KRT73: variants seen among roughly 807,000 people sequenced by gnomAD.
The protein encoded by KRT73 is keratin, type II cytoskeletal 73.
In KRT73, 44 loss-of-function variants were observed where a neutral mutation model predicts 47.2. The observed-to-expected ratio is 0.93, with a 90% CI of 0.73 to 1.20. The LOEUF (loss-of-function observed/expected upper bound fraction) is 1.20, where lower values mean the gene tolerates loss of function less well. KRT73 is among the 50% of genes most tolerant of loss of function. KRT73 has a pLI of 0.00. For missense variants in KRT73, 713 were observed against 704.5 expected (o/e 1.01, Z -0.14); for synonymous variants, 285 against 291.3 (o/e 0.98, Z 0.22).
rs1182375518 is a variant in KRT73, at chr12:52,613,791, T to C, written c.881A>G (p.Asn294Ser). The C allele has an allele frequency of 3.1e-6, 5 of 1,613,908 alleles. No individual in the cohort carries two copies. The highest frequency in any genetic ancestry group is 1.1e-5 in the South Asian group (1 of 91,060). ...DTSIILSMDN[N>S]RNLDLDSIIA... ...GATGCTGTCCAGGTCCAGGTTCCGG[T>C]TGTTGTCCATGGACAGGATGATGGA... is the stretch of plus-strand genomic sequence containing the variant. Residue 294 changes from asparagine to serine, a missense_variant, in exon 5 of 9, where the codon AAC becomes AGC. Transcript: ENST00000305748.
the KRT73 span, among the ~76,000 whole-genome samples, chr12:52,624,890 G>T: frequency 6.6e-6 from 1 of 151,714 alleles, no homozygotes; most frequent in Non-Finnish European, 1.5e-5. Flanking sequence ...GTGGAAGAAA[G>T]TTAGCCTTTT....
At position 52,618,234 on chromosome 12, in the gene KRT73, C is replaced by G; in HGVS notation, c.291G>C (p.Ser97=). The G allele has an allele frequency of 1.2e-6, 2 of 1,614,164 alleles. No individual in the cohort carries two copies. The highest frequency in any genetic ancestry group is 1.7e-6 in the Non-Finnish European group (2 of 1,180,030). Residue 97 remains serine (S), a synonymous_variant, in exon 1 of 9, where the codon TCG becomes TCC. Transcript: ENST00000305748. ...GSVALGSVCP[S]LCPPGGIHQV... ...GATGGATACCCCCGGGCGGGCACAA[C>G]GACGGACACACGGACCCCAAGGCCA... is the stretch of plus-strand genomic sequence containing the variant.
Position 52,618,417 on chromosome 12 carries a change from G to A in KRT73, c.108C>T (p.Gly36=), listed in dbSNP as rs1305344132. ...GGSSSSYRAG[G]KGLSGGFSSR... ...TGCTGAAGCCTCCACTGAGCCCTTT[G>A]CCCCCTGCTCGGTAGGAGGATGAGC... The change falls in exon 1 of 9, where the codon GGC becomes GGT. Residue 36 remains glycine, a synonymous_variant. Coordinates refer to ENST00000305748, the MANE Select transcript of KRT73 (RefSeq NM_175068.3). 6.2e-7 allele frequency: 1 copy of A among 1,614,152 alleles called. No individual in the cohort carries two copies. The highest frequency in any genetic ancestry group is 1.7e-5 in the Admixed American group (1 of 60,034).
chr12:52,611,044 C>G, intron 6 of KRT73, 160 bp downstream of exon 6: 1 of 1,044,998 alleles, frequency 9.6e-7, no homozygotes, highest in Non-Finnish European at 1.4e-6. Flanking sequence ...TGCAATTGTT[C>G]CAAACTTCAG....
the KRT73 span, among the ~76,000 whole-genome samples, chr12:52,629,858 C>A: frequency 6.6e-6 from 1 of 152,162 alleles, no homozygotes; most frequent in Admixed American, 6.5e-5. Flanking sequence ...TCAATCTGTT[C>A]CCCTTGCTCA....
At chr12:52,624,538 A>G in the KRT73 span, among the ~76,000 whole-genome samples, 1 of 152,130 alleles carries the variant, frequency 6.6e-6, no homozygotes, top group Non-Finnish European at 1.5e-5. Context: ...CAAGTTGTAA[A>G]TAACTTAAAC....
Position 52,614,606 on chromosome 12 carries a change from G to T in KRT73, c.792C>A (p.Ile264=). 1 of 1,613,980 alleles carries T rather than the reference G, an allele frequency of 6.2e-7. No individual in the cohort carries two copies. ...CCTCGTACAGACACTTGAAGAACTTGATTTCTCCATCCAGGGCATCCACCT... is the reference window on the plus strand; with the variant it reads ...CCTCGTACAGACACTTGAAGAACTTTATTTCTCCATCCAGGGCATCCACCT... ...QAKVDALDGE[I]KFFKCLYEGE... The change falls in exon 4 of 9, where the codon ATC becomes ATA. Residue 264 remains isoleucine (I), a synonymous_variant. Transcript: ENST00000305748.
chr12:52,630,025 C>T, the KRT73 span, among the ~76,000 whole-genome samples: 1 of 152,176 alleles, frequency 6.6e-6, no homozygotes, highest in African/African-American at 2.4e-5. Flanking sequence ...AAAACTATAA[C>T]TTGTCTCCCA....
At chr12:52,617,241 T>TC (rs1940833182) in intron 1 of KRT73, among the ~76,000 whole-genome samples, 1 of 152,186 alleles carries the variant, frequency 6.6e-6, no homozygotes. Context: ...CGGGTGAGCT[T>TC]CCCCTGCTCC....
chr12:52,611,144 G>C (rs556929133), intron 6 of KRT73, 60 bp downstream of exon 6: 3 of 1,588,908 alleles, frequency 1.9e-6, no homozygotes, highest in Non-Finnish European at 2.6e-6. Flanking sequence ...GGGGGCAGGG[G>C]GTGCTAAGCA....
the KRT73 span, among the ~76,000 whole-genome samples, chr12:52,628,806 G>A: frequency 6.6e-6 from 1 of 152,158 alleles, no homozygotes; most frequent in African/African-American, 2.4e-5. Context: ...AAAAGAATTT[G>A]TTTTGACCCA....
chr12:52,630,304 G>T, the KRT73 span, among the ~76,000 whole-genome samples: 9 of 152,064 alleles, frequency 5.9e-5, no homozygotes. Context: ...TGCCTATCCT[G>T]TCTCCTCTGG....
intron 7 of KRT73, 83 bp from the exon 8 acceptor site, chr12:52,609,364 C>T (rs1240687250): frequency 1.3e-5 from 16 of 1,190,140 alleles, no homozygotes; most frequent in Non-Finnish European, 1.6e-5. Context: ...GGCTGGGGAT[C>T]CCCAGCCAGA....
chr12:52,616,485 G>C, intron 1 of KRT73, 105 bp from the exon 2 acceptor site: 2 of 1,423,634 alleles, frequency 1.4e-6, no homozygotes, highest in Non-Finnish European at 1.9e-6. Flanking sequence ...CTTTAAAAAT[G>C]AGCCTCAGCC....
intron 7 of KRT73, chr12:52,610,270 T>G: frequency 3.3e-6 from 1 of 299,394 alleles, no homozygotes; most frequent in Non-Finnish European, 6.5e-6. Flanking sequence ...GAGACGAGGT[T>G]TCTCCAATGT....
At chr12:52,611,439 T>C (rs1592242559) in intron 5 of KRT73, 110 bp from the exon 6 acceptor site, 6 of 1,282,390 alleles carry the variant, frequency 4.7e-6, no homozygotes, top group Middle Eastern at 4.5e-4. Context: ...TGGGTCCAGG[T>C]CCCCCGCCTC....
In KRT73 at chr12:52,616,327, T is replaced by C. The variant is rs581690; in HGVS notation, c.501A>G (p.Leu167=). The change falls in exon 2 of 9, where the codon CTA becomes CTG. Residue 167 remains leucine (L), a synonymous_variant. Coordinates refer to ENST00000305748, the MANE Select transcript of KRT73 (RefSeq NM_175068.3). ...TGCAGTTGTTCAGGTCCAGCTGCTG[T>C]AGCAGCTCCCACTTGGTCTCCAGCA... ...NQVLETKWEL[L]QQLDLNNCKN... is the part of the protein sequence containing the mutation. 1.2e-6 allele frequency: 2 copies of C among 1,614,070 alleles called. No individual in the cohort carries two copies. The highest frequency in any genetic ancestry group is 1.3e-5 in the African/African-American group (1 of 74,930).
chr12:52,611,430 G>T (rs1940700809), intron 5 of KRT73, 101 bp from the exon 6 acceptor site: 2 of 1,455,680 alleles, frequency 1.4e-6, no homozygotes, highest in Non-Finnish European at 1.9e-6. Context: ...TGGCAGAGGT[G>T]GGTCCAGGTC....
At chr12:52,621,166 T>G (rs1457881325), upstream of KRT73, among the ~76,000 whole-genome samples, 1 of 151,610 alleles carries the variant, frequency 6.6e-6, no homozygotes, top group Non-Finnish European at 1.5e-5. Flanking sequence ...CAGGGGAAAC[T>G]CAATGCCAGA....
Sources: allele counts gnomAD v4.1 joint callset (sites outside exome capture counted in the v4.1 genomes callset), GRCh38; gene constraint gnomAD v4.1.1; transcripts MANE v1.5; gene names NCBI Gene and HGNC (gene_info 2026-07-23, HGNC 2026-07-21).